PPP2R3B: variants seen among roughly 807,000 people sequenced by gnomAD.
PPP2R3B encodes protein phosphatase 2 regulatory subunit B''beta.
In PPP2R3B, 68 loss-of-function variants were observed where a neutral mutation model predicts 72.9. That is an observed-to-expected ratio of 0.93 (90% CI 0.77 to 1.14). PPP2R3B has a LOEUF of 1.14. Ranked by LOEUF, PPP2R3B falls within the 50% of genes most tolerant of loss-of-function variation. The pLI is 0.00. For synonymous variants in PPP2R3B, 466 were observed against 375.8 expected, an observed-to-expected ratio of 1.24 and a Z score of -2.78; for missense variants, 1,018 against 842.0, an observed-to-expected ratio of 1.21 and a Z score of -2.59.
chrX:342,014 G>T (rs1426190914), intron 7 of PPP2R3B, 83 bp from the exon 8 acceptor site: 8 of 1,533,446 alleles, frequency 5.2e-6, no homozygotes, highest in East Asian at 4.5e-5. Context: ...GACTGGATGC[G>T]GTGGGGACCG....
chrX:372,171 G>A (rs2071881403), intron 1 of PPP2R3B, among the ~76,000 whole-genome samples: 1 of 152,144 alleles, frequency 6.6e-6, no homozygotes, highest in Non-Finnish European at 1.5e-5. Flanking sequence ...GCACGAGGCT[G>A]ATCTCGCTCT....
Position 334,308 on chromosome X carries a change from C to G in PPP2R3B, c.*59G>C. The G allele has an allele frequency of 1.4e-6, 2 of 1,422,458 alleles. No individual in the cohort carries two copies. The highest frequency in any genetic ancestry group is 2.8e-5 in the Admixed American group (1 of 35,488). 88.1% of individuals were successfully genotyped at this position (1,422,458 alleles called of 1,614,324 possible). ...TCCACAACAGTTTTTACACGAGCCG[C>G]GGTGGCCCGGTGGTGGCACGTGGGG... On this transcript the variant is annotated 3_prime_UTR_variant, in exon 13 of 13. Coordinates refer to ENST00000390665, the MANE Select transcript of PPP2R3B (RefSeq NM_013239.5).
chrX:356,846 T>C (rs868778327), intron 2 of PPP2R3B, among the ~76,000 whole-genome samples: 5,644 of 97,544 alleles, frequency 0.058, 131 homozygotes, highest in African/African-American at 0.15. Flanking sequence ...TAACCACGCC[T>C]TGGCCAGCCA....
intron 1 of PPP2R3B, among the ~76,000 whole-genome samples, chrX:362,956 C>T (rs1330563968): frequency 2.6e-5 from 4 of 152,040 alleles, no homozygotes; most frequent in African/African-American, 7.3e-5. Flanking sequence ...CCCCAGGTCA[C>T]AAGGGTCCCA....
chrX:341,287 A>G lies in PPP2R3B; in HGVS notation c.1175+20T>C. On this transcript the variant is annotated intron_variant, in intron 9 of 12. Coordinates refer to ENST00000390665, the MANE Select transcript of PPP2R3B (RefSeq NM_013239.5). ...CCGGCCCCTCCACTGGGACAAACGC[A>G]TGCCGCAGCAGGAACCCACCTGGTC... 6.2e-7 allele frequency: 1 copy of G among 1,611,774 alleles called. No individual in the cohort carries two copies. Among genetic ancestry groups the G allele is most frequent in the Non-Finnish European group, 8.5e-7 (1 of 1,179,374 alleles).
chrX:336,929 G>C (rs2070905517), intron 12 of PPP2R3B: 1 of 152,078 alleles, frequency 6.6e-6, no homozygotes, highest in African/African-American at 2.4e-5. Flanking sequence ...CATTCACTCA[G>C]CGAGATCTCA....
chrX:370,720 C>T (rs1342569124), intron 1 of PPP2R3B, among the ~76,000 whole-genome samples: 1 of 152,138 alleles, frequency 6.6e-6, no homozygotes, highest in African/African-American at 2.4e-5. Flanking sequence ...AGCGTCCTGG[C>T]CAAACCAAAG....
At chrX:379,053 GTT>G (rs1380587674) in intron 1 of PPP2R3B, among the ~76,000 whole-genome samples, 51 of 145,620 alleles carry the variant, frequency 3.5e-4, no homozygotes, top group African/African-American at 1.3e-3. Context: ...GCACCTGTGT[GTT>G]TGTGTGTATG....
chrX:370,996 T>C (rs1055196070), intron 1 of PPP2R3B, among the ~76,000 whole-genome samples: 8 of 152,088 alleles, frequency 5.3e-5, no homozygotes, highest in Non-Finnish European at 8.8e-5. Flanking sequence ...GGCGTCTGTG[T>C]GCTGAGTCAG....
chrX:364,164 C>T (rs771935462), intron 1 of PPP2R3B, among the ~76,000 whole-genome samples: 68 of 152,306 alleles, frequency 4.5e-4, no homozygotes, highest in Admixed American at 1.2e-3. Context: ...CAGGGTCCTC[C>T]GGGGAAGCTC....
At chrX:356,891 C>G in intron 2 of PPP2R3B, among the ~76,000 whole-genome samples, 1 of 125,682 alleles carries the variant, frequency 8.0e-6, no homozygotes, top group African/African-American at 2.6e-5. Context: ...ACCCCGCCAG[C>G]CACACAGCGA....
intron 1 of PPP2R3B, 144 bp from the exon 2 acceptor site, chrX:361,734 CG>C: frequency 1.1e-6 from 1 of 875,078 alleles, no homozygotes; most frequent in Non-Finnish European, 1.8e-6. Context: ...GCAATCCCTG[CG>C]GGGGACCACA....
chrX:379,051 GTGTT>G (rs1392091731), intron 1 of PPP2R3B, among the ~76,000 whole-genome samples: 1 of 145,632 alleles, frequency 6.9e-6, no homozygotes, highest in African/African-American at 2.7e-5. Flanking sequence ...ATGCACCTGT[GTGTT>G]TGTGTGTATG....
At chrX:352,434 G>C (rs2071349983) in intron 2 of PPP2R3B, among the ~76,000 whole-genome samples, 1 of 151,324 alleles carries the variant, frequency 6.6e-6, no homozygotes, top group South Asian at 2.1e-4. Context: ...CCTTTTCCAG[G>C]ACACGGCAAC....
rs372187480 is a variant in PPP2R3B at position 351,890 on chromosome X, T to A, written c.511-4197A>T. On this transcript the variant is annotated intron_variant, in intron 2 of 12. Coordinates refer to ENST00000390665, the MANE Select transcript of PPP2R3B (RefSeq NM_013239.5). ...TTTTTTTAATTTCTACAGTGAAGTC[T>A]CACTATGTTGCCGAGGCTGGTCTGG... 1.5e-4 allele frequency among the ~76,000 whole-genome samples: 23 copies of A among 152,220 alleles called. 1 individual carries two copies. The East Asian group carries it at 4.1e-3, about 27-fold the overall frequency.
Position 334,358 on chromosome X carries a change from C to A in PPP2R3B, c.*9G>T. On this transcript the variant is annotated 3_prime_UTR_variant, in exon 13 of 13. Transcript: ENST00000390665. ...GAGCGGCCCCGCGGCGGCGTTCTCG[C>A]GGGCGGCGTCACAGCGGCTCCAGGT... 2 of 1,474,570 alleles carry A rather than the reference C, an allele frequency of 1.4e-6. No individual in the cohort carries two copies. The highest frequency in any genetic ancestry group is 1.8e-6 in the Non-Finnish European group (2 of 1,123,634). The allele number at this position is 1,474,570 out of a possible 1,614,324, so 91.3% of individuals were successfully genotyped here.
intron 1 of PPP2R3B, among the ~76,000 whole-genome samples, chrX:380,393 C>T (rs971935206): frequency 3.3e-5 from 5 of 152,166 alleles, no homozygotes; most frequent in Admixed American, 6.6e-5. Flanking sequence ...AGCAAACACA[C>T]GACCTGAACA....
At chrX:359,250 G>C (rs1324749799) in intron 2 of PPP2R3B, among the ~76,000 whole-genome samples, 2 of 152,198 alleles carry the variant, frequency 1.3e-5, no homozygotes, top group Admixed American at 1.3e-4. Flanking sequence ...CCAGCAAAGA[G>C]ACCTCCCAGT....
chrX:364,599 T>G (rs2071654725), intron 1 of PPP2R3B, among the ~76,000 whole-genome samples: 1 of 146,540 alleles, frequency 6.8e-6, no homozygotes, highest in Admixed American at 6.8e-5. Flanking sequence ...GTGCCTGTAC[T>G]CCCAGCTACT....
Sources: gnomAD v4.1 joint callset for allele counts (sites outside exome capture counted in the v4.1 genomes callset) on GRCh38, gnomAD v4.1.1 for gene constraint, MANE v1.5 for transcripts, NCBI Gene and HGNC (gene_info 2026-07-23, HGNC 2026-07-21) for gene names.